Variants in TMC1 observed in about 807,000 individuals in gnomAD.
The protein encoded by TMC1 is transmembrane channel like 1.
A neutral mutation model predicts 105.8 loss-of-function variants in TMC1; 84 were observed. The observed-to-expected ratio is 0.79, with a 90% CI of 0.67 to 0.95. The LOEUF (loss-of-function observed/expected upper bound fraction) is 0.95, where lower values mean the gene tolerates loss of function less well. Ranked by LOEUF, TMC1 falls within the 40% of genes least tolerant of loss-of-function variation. The pLI is 0.00. For synonymous variants in TMC1, 315 were observed against 311.5 expected (o/e 1.01, Z -0.12); for missense variants, 817 against 914.1 (o/e 0.89, Z 1.37).
At chr9:72,828,112 T>C (rs1021344475) in intron 21 of TMC1, among the ~76,000 whole-genome samples, 1 of 152,226 alleles carries the variant, frequency 6.6e-6, no homozygotes, top group Non-Finnish European at 1.5e-5. Context: ...CTCACTTCTT[T>C]ATACTGCGAG....
intron 13 of TMC1, among the ~76,000 whole-genome samples, chr9:72,779,716 A>G (rs1828061443): frequency 6.6e-6 from 1 of 152,192 alleles, no homozygotes; most frequent in African/African-American, 2.4e-5. Context: ...AATAAAAAAG[A>G]AAGAATAAAA....
intron 5 of TMC1, 87 bp from the exon 6 acceptor site, chr9:72,688,622 A>T: frequency 7.9e-7 from 1 of 1,261,140 alleles, no homozygotes; most frequent in Non-Finnish European, 1.1e-6. Context: ...CAAAAACATT[A>T]TGATAAAAAC....
At chr9:72,733,157 C>T (rs754300479) in intron 8 of TMC1, among the ~76,000 whole-genome samples, 1 of 142,444 alleles carries the variant, frequency 7.0e-6, no homozygotes, top group African/African-American at 2.6e-5. Flanking sequence ...TGAGAGAAAA[C>T]ACAGTTGGAT....
At chr9:72,647,590 A>G (rs1011446371) in intron 4 of TMC1, among the ~76,000 whole-genome samples, 1 of 152,196 alleles carries the variant, frequency 6.6e-6, no homozygotes. Context: ...AAAATCCAGT[A>G]TCTAGAATAG....
chr9:72,783,310 G>A (rs749345102), intron 13 of TMC1, among the ~76,000 whole-genome samples: 2 of 152,184 alleles, frequency 1.3e-5, no homozygotes, highest in African/African-American at 2.4e-5. Context: ...CGACAGTGTA[G>A]CCTTCAATCT....
chr9:72,630,811 G>A (rs1825436637), intron 4 of TMC1, among the ~76,000 whole-genome samples: 1 of 151,394 alleles, frequency 6.6e-6, no homozygotes, highest in Non-Finnish European at 1.5e-5. Context: ...TGGTCATTGT[G>A]TTGAGTGGTA....
intron 4 of TMC1, among the ~76,000 whole-genome samples, chr9:72,641,611 G>A (rs759084456): frequency 2.0e-5 from 3 of 152,094 alleles, no homozygotes; most frequent in African/African-American, 4.8e-5. Context: ...ATGAAGCACA[G>A]GATCCTTCTG....
chr9:72,530,679 A>T (rs187484869), intron 1 of TMC1, among the ~76,000 whole-genome samples: 1 of 150,930 alleles, frequency 6.6e-6, no homozygotes. Flanking sequence ...TTCATTCTGG[A>T]TAACTTTTAG....
chr9:72,527,965 C>A (rs1823433766), intron 1 of TMC1, among the ~76,000 whole-genome samples: 2 of 152,262 alleles, frequency 1.3e-5, no homozygotes, highest in South Asian at 4.1e-4. Flanking sequence ...TGCGATACTT[C>A]CCCCCTCCCC....
chr9:72,647,311 G>A (rs1413431730), intron 4 of TMC1, among the ~76,000 whole-genome samples: 3 of 151,110 alleles, frequency 2.0e-5, no homozygotes, highest in Admixed American at 2.0e-4. Context: ...AGTTTCTTTA[G>A]TCTTGTTTTC....
At chr9:72,630,865 CTT>C (rs201645920) in intron 4 of TMC1, among the ~76,000 whole-genome samples, 4 of 139,646 alleles carry the variant, frequency 2.9e-5, no homozygotes, top group Non-Finnish European at 1.6e-5. Flanking sequence ...ACATTTTTCA[CTT>C]TTTTTTTTTT....
intron 12 of TMC1, among the ~76,000 whole-genome samples, chr9:72,758,434 G>T (rs1363905772): frequency 6.6e-6 from 1 of 152,186 alleles, no homozygotes; most frequent in Non-Finnish European, 1.5e-5. Flanking sequence ...TGGTTTCACA[G>T]TAAAAATCCA....
intron 7 of TMC1, among the ~76,000 whole-genome samples, chr9:72,699,956 C>CAAAAAAAA (rs61062887): frequency 2.1e-5 from 1 of 46,582 alleles, no homozygotes; most frequent in Non-Finnish European, 4.2e-5. Context: ...GACTCTGTCT[C>CAAAAAAAA]AAAAAAAAAA....
chr9:72,673,840 A>G (rs1826162460), intron 5 of TMC1, among the ~76,000 whole-genome samples: 1 of 152,168 alleles, frequency 6.6e-6, no homozygotes, highest in Admixed American at 6.5e-5. Flanking sequence ...TGTACCCAAT[A>G]TTTAAGGAGA....
chr9:72,645,700 A>G (rs1825699888), intron 4 of TMC1, among the ~76,000 whole-genome samples: 1 of 152,146 alleles, frequency 6.6e-6, no homozygotes, highest in South Asian at 2.1e-4. Flanking sequence ...GCTCTCACGA[A>G]ATAAAGCTCT....
In TMC1 at chr9:72,577,213, A is replaced by G. The variant is rs184229287; in HGVS notation, c.-427-689A>G. Among the ~76,000 whole-genome samples, 4 of 152,282 alleles carry G rather than the reference A, an allele frequency of 2.6e-5. No homozygotes were observed. In the East Asian group the frequency reaches 7.7e-4, roughly 29 times the overall value. ...TCCTGTTAGAACTTCTGGAGCTACC[A>G]TTGTTCCTCCTCTTGGGCTGCTCAT... On this transcript the variant is annotated intron_variant, in intron 1 of 23. Transcript: ENST00000297784.
At chr9:72,724,803 T>G (rs917933161) in intron 8 of TMC1, among the ~76,000 whole-genome samples, 3 of 152,202 alleles carry the variant, frequency 2.0e-5, no homozygotes, top group African/African-American at 7.2e-5. Flanking sequence ...ATGTGTACTC[T>G]TTAGAATTTT....
At chr9:72,678,392 T>C (rs1296203741) in intron 5 of TMC1, among the ~76,000 whole-genome samples, 1 of 152,086 alleles carries the variant, frequency 6.6e-6, no homozygotes, top group Non-Finnish European at 1.5e-5. Flanking sequence ...ATGAATTATA[T>C]TATTTAAGAA....
chr9:72,546,789 A>G (rs1270520534), intron 1 of TMC1, among the ~76,000 whole-genome samples: 2 of 152,242 alleles, frequency 1.3e-5, no homozygotes, highest in East Asian at 3.8e-4. Flanking sequence ...GAAAAGATAA[A>G]TAGCCTCAGC....
Sources: allele counts gnomAD v4.1 joint callset (sites outside exome capture counted in the v4.1 genomes callset), GRCh38; gene constraint gnomAD v4.1.1; transcripts MANE v1.5; gene names NCBI Gene and HGNC (gene_info 2026-07-23, HGNC 2026-07-21).